LRRC2: variants seen among roughly 807,000 people sequenced by gnomAD.
LRRC2 encodes the protein leucine rich repeat containing 2.
A neutral mutation model predicts 40.2 loss-of-function variants in LRRC2; 27 were observed. The ratio of observed to expected loss-of-function variants is 0.67; its 90% CI spans 0.49 to 0.93. The LOEUF is 0.93. Ranked by LOEUF, LRRC2 falls within the 40% of genes least tolerant of loss-of-function variation. LRRC2 has a pLI of 0.00. For missense variants in LRRC2, 402 were observed against 439.6 expected, an observed-to-expected ratio of 0.91 and a Z score of 0.76; for synonymous variants, 147 against 158.9, an observed-to-expected ratio of 0.92 and a Z score of 0.56.
At chr3:46,538,017 G>A (rs994483320) in intron 4 of LRRC2, among the ~76,000 whole-genome samples, 6 of 152,226 alleles carry the variant, frequency 3.9e-5, no homozygotes, top group African/African-American at 1.4e-4. Flanking sequence ...CTCAAGGTTA[G>A]TACATGCATA....
chr3:46,524,645 TC>T (rs1356736825), intron 7 of LRRC2, among the ~76,000 whole-genome samples: 1 of 152,214 alleles, frequency 6.6e-6, no homozygotes, highest in Non-Finnish European at 1.5e-5. Flanking sequence ...TTAAATTTTT[TC>T]TTTCATTTTA....
At chr3:46,547,706 A>ATGTGTG (rs61273277) in intron 2 of LRRC2, among the ~76,000 whole-genome samples, 8 of 149,998 alleles carry the variant, frequency 5.3e-5, no homozygotes, top group African/African-American at 2.0e-4. Context: ...GTGTGTGTGT[A>ATGTGTG]TGTGTGTGTG....
At chr3:46,542,656 C>G (rs1160356646) in intron 3 of LRRC2, among the ~76,000 whole-genome samples, 3 of 152,146 alleles carry the variant, frequency 2.0e-5, no homozygotes, top group African/African-American at 7.2e-5. Flanking sequence ...AAAGCCACTT[C>G]ACAGAATTCA....
Position 46,556,416 on chromosome 3 carries a change from C to T in LRRC2, c.-19-4806G>A, listed in dbSNP as rs532423275. ...TGCTGGGATGACAGGCATGAGCCACCGCACCTGGAAAAATTTTTTCGTCTT... is the reference window on the plus strand; with the variant it reads ...TGCTGGGATGACAGGCATGAGCCACTGCACCTGGAAAAATTTTTTCGTCTT... On this transcript the variant is annotated intron_variant, in intron 1 of 8. Transcript: ENST00000395905. Among the ~76,000 whole-genome samples the T allele has an allele frequency of 1.8e-4, 28 of 152,110 alleles. 1 individual carries two copies. The highest frequency in any genetic ancestry group is 4.3e-4 in the African/African-American group (18 of 41,500).
intron 2 of LRRC2, 111 bp downstream of exon 2, chr3:46,551,356 C>T: frequency 2.2e-6 from 3 of 1,362,462 alleles, no homozygotes; most frequent in East Asian, 4.7e-5. Context: ...AAAATTTTAC[C>T]AACAGTGAGA....
intron 1 of LRRC2, among the ~76,000 whole-genome samples, chr3:46,555,009 C>T (rs1324426637): frequency 6.6e-6 from 1 of 152,222 alleles, no homozygotes; most frequent in Non-Finnish European, 1.5e-5. Context: ...AGCATATTTT[C>T]ATATGCTTGT....
chr3:46,524,283 G>A (rs999252403), intron 7 of LRRC2, among the ~76,000 whole-genome samples: 6 of 152,266 alleles, frequency 3.9e-5, no homozygotes, highest in South Asian at 4.2e-4. Flanking sequence ...CAGGGCAGTC[G>A]CCAAACACAG....
At chr3:46,565,693 G>A (rs1184729505) in intron 1 of LRRC2, among the ~76,000 whole-genome samples, 2 of 152,142 alleles carry the variant, frequency 1.3e-5, no homozygotes, top group Admixed American at 6.6e-5. Flanking sequence ...TTCCGCCCTT[G>A]CCTCAGGCCT....
intron 1 of LRRC2, 141 bp from the exon 2 acceptor site, chr3:46,551,751 C>CTTTTTTT (rs748541390): frequency 5.0e-5 from 7 of 138,914 alleles, no homozygotes; most frequent in Non-Finnish European, 8.1e-5. Context: ...TGACAGTTTG[C>CTTTTTTT]TTTTTTTTTT....
intron 7 of LRRC2, among the ~76,000 whole-genome samples, chr3:46,522,760 A>AACACACACACACACACACACAC (rs71098411): frequency 6.3e-5 from 9 of 143,340 alleles, no homozygotes; most frequent in Admixed American, 4.2e-4. Flanking sequence ...AACTACTGCT[A>AACACACACACACACACACACAC]ACACACACAC....
intron 7 of LRRC2, among the ~76,000 whole-genome samples, chr3:46,527,070 C>T (rs1330791932): frequency 6.6e-6 from 1 of 152,080 alleles, no homozygotes; most frequent in Non-Finnish European, 1.5e-5. Flanking sequence ...CTTAAGGAAA[C>T]CTAAAGAAGG....
intron 3 of LRRC2, among the ~76,000 whole-genome samples, chr3:46,540,460 G>T (rs1233230354): frequency 2.0e-5 from 3 of 151,720 alleles, no homozygotes; most frequent in Non-Finnish European, 4.4e-5. Flanking sequence ...AGGAGGCGAA[G>T]GTTGTAGTGA....
intron 1 of LRRC2, among the ~76,000 whole-genome samples, chr3:46,554,800 C>T (rs1704752043): frequency 1.3e-5 from 2 of 152,174 alleles, no homozygotes; most frequent in African/African-American, 4.8e-5. Flanking sequence ...TATAGTTAAC[C>T]TTTCTGTGAA....
At chr3:46,560,021 G>A (rs1371758129) in intron 1 of LRRC2, among the ~76,000 whole-genome samples, 1 of 152,178 alleles carries the variant, frequency 6.6e-6, no homozygotes, top group Non-Finnish European at 1.5e-5. Context: ...TACATGTGAT[G>A]TCCAGAGGTG....
chr3:46,556,504 A>G (rs893681481), intron 1 of LRRC2, among the ~76,000 whole-genome samples: 3 of 150,320 alleles, frequency 2.0e-5, no homozygotes, highest in African/African-American at 4.9e-5. Flanking sequence ...ATCCTGATTT[A>G]GATTTGTTTA....
intron 7 of LRRC2, among the ~76,000 whole-genome samples, chr3:46,522,134 G>A (rs1382122857): frequency 2.0e-5 from 3 of 152,138 alleles, no homozygotes; most frequent in African/African-American, 7.2e-5. Flanking sequence ...CAGCACTTTG[G>A]GAGGCTGAGG....
intron 8 of LRRC2, among the ~76,000 whole-genome samples, chr3:46,520,652 A>C (rs949909373): frequency 2.0e-5 from 3 of 152,164 alleles, no homozygotes; most frequent in African/African-American, 7.2e-5. Flanking sequence ...CACGCATGCC[A>C]TTTTCTGAGG....
intron 1 of LRRC2, 141 bp from the exon 2 acceptor site, chr3:46,551,751 CTTTTTTTTTTT>C (rs748541390): frequency 7.2e-5 from 10 of 138,936 alleles, no homozygotes; most frequent in Non-Finnish European, 1.0e-4. Context: ...TGACAGTTTG[CTTTTTTTTTTT>C]TTTTTTTTTT....
intron 7 of LRRC2, among the ~76,000 whole-genome samples, chr3:46,525,457 C>T (rs1704042553): frequency 6.6e-6 from 1 of 152,000 alleles, no homozygotes; most frequent in African/African-American, 2.4e-5. Flanking sequence ...CGCTATGTTA[C>T]CCACACCGAT....
Sources: gnomAD v4.1 joint callset for allele counts (sites outside exome capture counted in the v4.1 genomes callset) on GRCh38, gnomAD v4.1.1 for gene constraint, MANE v1.5 for transcripts, NCBI Gene and HGNC (gene_info 2026-07-23, HGNC 2026-07-21) for gene names.